Variants in ISM1 observed in about 807,000 individuals in gnomAD.
The protein encoded by ISM1 is isthmin-1.
In ISM1, 25 loss-of-function variants were observed where a neutral mutation model predicts 46.3. The observed-to-expected ratio is 0.54, with a 90% CI of 0.39 to 0.75. ISM1 has a LOEUF of 0.75. Ranked by LOEUF, ISM1 falls within the 30% of genes least tolerant of loss-of-function variation. ISM1 has a pLI of 0.00. For missense variants in ISM1, 536 were observed against 625.4 expected, an observed-to-expected ratio of 0.86 and a Z score of 1.52; for synonymous variants, 255 against 256.7, an observed-to-expected ratio of 0.99 and a Z score of 0.06.
intron 2 of ISM1, among the ~76,000 whole-genome samples, chr20:13,274,676 C>T (rs892847656): frequency 6.6e-5 from 10 of 151,848 alleles, no homozygotes; most frequent in Non-Finnish European, 1.2e-4. Context: ...CCCCGCCCCC[C>T]CCGCGCCCGG....
At chr20:13,267,402 C>T (rs576941349) in intron 1 of ISM1, among the ~76,000 whole-genome samples, 26 of 152,322 alleles carry the variant, frequency 1.7e-4, no homozygotes, top group East Asian at 3.9e-4. Context: ...TGACTATTCC[C>T]GGCAGAGGTA....
At chr20:13,287,710 A>T (rs1261664244) in intron 3 of ISM1, among the ~76,000 whole-genome samples, 2 of 152,230 alleles carry the variant, frequency 1.3e-5, no homozygotes, top group East Asian at 3.8e-4. Flanking sequence ...TGTGCCTGAC[A>T]TACAAAAAGG....
intron 1 of ISM1, among the ~76,000 whole-genome samples, chr20:13,264,114 G>A (rs1328600128): frequency 6.6e-6 from 1 of 152,114 alleles, no homozygotes; most frequent in African/African-American, 2.4e-5. Flanking sequence ...CTTATTTGTT[G>A]CCCCCTGAGC....
intron 4 of ISM1, among the ~76,000 whole-genome samples, chr20:13,289,348 GAC>G (rs2040328358): frequency 6.6e-6 from 1 of 152,198 alleles, no homozygotes. Context: ...GCAGGAAAAA[GAC>G]AGCCCCACCG....
chr20:13,306,232 A>C, the ISM1 span, among the ~76,000 whole-genome samples: 2 of 152,220 alleles, frequency 1.3e-5, no homozygotes, highest in African/African-American at 4.8e-5. Context: ...AGGATATAAA[A>C]ATTTCAAGCC....
intron 1 of ISM1, among the ~76,000 whole-genome samples, chr20:13,228,743 T>A (rs2039556660): frequency 6.6e-6 from 1 of 152,226 alleles, no homozygotes; most frequent in Non-Finnish European, 1.5e-5. Flanking sequence ...CCAATATCCC[T>A]GTACTCTTTT....
intron 1 of ISM1, among the ~76,000 whole-genome samples, chr20:13,222,481 C>G (rs1319205808): frequency 6.6e-6 from 1 of 152,080 alleles, no homozygotes; most frequent in Non-Finnish European, 1.5e-5. Flanking sequence ...CCTCCGGGAG[C>G]CTCGCCTGAG....
the ISM1 span, among the ~76,000 whole-genome samples, chr20:13,320,005 G>A: frequency 6.6e-6 from 1 of 152,334 alleles, no homozygotes; most frequent in East Asian, 1.9e-4. Context: ...GTTGGGGGCT[G>A]GAGAGTCTGC....
At chr20:13,298,372 T>A (rs1600571443) in intron 5 of ISM1, among the ~76,000 whole-genome samples, 1 of 152,180 alleles carries the variant, frequency 6.6e-6, no homozygotes, top group East Asian at 1.9e-4. Flanking sequence ...CGCCTCAGCC[T>A]CCCAAAGTGC....
chr20:13,222,891 G>C (rs1013248918), intron 1 of ISM1, among the ~76,000 whole-genome samples: 1 of 152,166 alleles, frequency 6.6e-6, no homozygotes, highest in Non-Finnish European at 1.5e-5. Flanking sequence ...AACCAGGCGC[G>C]GTGGCTCACG....
chr20:13,270,884 A>G, intron 2 of ISM1, 141 bp downstream of exon 2: 1 of 770,410 alleles, frequency 1.3e-6, no homozygotes, highest in Non-Finnish European at 2.1e-6. Context: ...TGTTATCTCC[A>G]TAAGAACAGT....
At chr20:13,268,007 ATT>A (rs1409464026) in intron 1 of ISM1, among the ~76,000 whole-genome samples, 2 of 152,356 alleles carry the variant, frequency 1.3e-5, no homozygotes, top group African/African-American at 4.8e-5. Flanking sequence ...AGGGTTGGAG[ATT>A]AAGGGAAAAA....
downstream of ISM1, among the ~76,000 whole-genome samples, chr20:13,303,391 G>A (rs186603806): frequency 8.5e-4 from 129 of 152,236 alleles, no homozygotes; most frequent in Non-Finnish European, 1.6e-3. Context: ...CCCTTGCTCA[G>A]GTTGGGTAAG....
intron 1 of ISM1, among the ~76,000 whole-genome samples, chr20:13,263,626 A>G (rs73078208): frequency 0.018 from 2,700 of 152,354 alleles, 41 homozygotes; most frequent in Non-Finnish European, 0.028. Context: ...TGTTCCAGAC[A>G]AAATCGATGC....
intron 1 of ISM1, among the ~76,000 whole-genome samples, chr20:13,258,241 T>C (rs2039949787): frequency 6.6e-6 from 1 of 152,140 alleles, no homozygotes; most frequent in Non-Finnish European, 1.5e-5. Flanking sequence ...TAGCTTCTGA[T>C]TGGGTTTGGC....
the ISM1 span, among the ~76,000 whole-genome samples, chr20:13,310,080 T>C: frequency 2.0e-5 from 3 of 151,974 alleles, no homozygotes; most frequent in African/African-American, 4.8e-5. Context: ...CATAGAAACA[T>C]AAAAAACAAT....
Position 13,270,646 on chromosome 20 carries a change from C to T in ISM1, c.281C>T (p.Ser94Leu), listed in dbSNP as rs2040103013. ...PRFRQETGHP[S>L]LQRDFPRSFL... ...TTCCGACAAGAGACGGGGCACCCTT[C>T]ATTGCAAAGAGATTTCCCCAGATCC... Residue 94 changes from serine (S) to leucine (L), a missense_variant, in exon 2 of 6, where the codon TCA (serine) becomes TTA (leucine). Transcript: ENST00000262487. The T allele has an allele frequency of 6.2e-7, 1 of 1,613,992 alleles. No homozygotes were observed. Among genetic ancestry groups the T allele is most frequent in the South Asian group, 1.1e-5 (1 of 91,066 alleles).
chr20:13,295,385 G>A (rs1371475242), intron 5 of ISM1, among the ~76,000 whole-genome samples: 1 of 152,148 alleles, frequency 6.6e-6, no homozygotes, highest in East Asian at 1.9e-4. Flanking sequence ...GCCATGATCT[G>A]ACACCAACAA....
intron 1 of ISM1, among the ~76,000 whole-genome samples, chr20:13,244,568 T>C (rs2039771750): frequency 6.6e-6 from 1 of 152,154 alleles, no homozygotes; most frequent in Non-Finnish European, 1.5e-5. Context: ...TAAAAACATA[T>C]TAAAGATACT....
Sources: allele counts gnomAD v4.1 joint callset (sites outside exome capture counted in the v4.1 genomes callset), GRCh38; gene constraint gnomAD v4.1.1; transcripts MANE v1.5; gene names NCBI Gene and HGNC (gene_info 2026-07-23, HGNC 2026-07-21).